SKIL: variants seen among roughly 807,000 people sequenced by gnomAD.
SKIL encodes SKI like proto-oncogene.
Under a neutral mutation model 69.6 loss-of-function variants are expected in SKIL, and 20 were observed. The ratio of observed to expected loss-of-function variants is 0.29; its 90% CI spans 0.20 to 0.42. The LOEUF is 0.42. Among genes scored for constraint, SKIL ranks in the 10% least tolerant of loss-of-function variants. The probability of loss-of-function intolerance (pLI) is 1.00; values close to 1 mark genes in which losing one functional copy is unlikely to be tolerated. For synonymous variants in SKIL, 310 were observed against 279.9 expected, an observed-to-expected ratio of 1.11 and a Z score of -1.08; for missense variants, 745 against 783.1, an observed-to-expected ratio of 0.95 and a Z score of 0.58.
At chr3:170,363,294 C>G (rs1156858217) in intron 2 of SKIL, among the ~76,000 whole-genome samples, 1 of 152,130 alleles carries the variant, frequency 6.6e-6, no homozygotes, top group Non-Finnish European at 1.5e-5. Flanking sequence ...GAGCTTTATT[C>G]TGGTGCCTTT....
intron 3 of SKIL, 113 bp from the exon 4 acceptor site, chr3:170,384,420 C>A: frequency 1.8e-6 from 1 of 567,356 alleles, no homozygotes; most frequent in Non-Finnish European, 3.1e-6. Flanking sequence ...GTAATATTGT[C>A]TGTTTTGGTT....
intron 2 of SKIL, among the ~76,000 whole-genome samples, chr3:170,378,319 T>A (rs1737139089): frequency 6.6e-6 from 1 of 152,174 alleles, no homozygotes; most frequent in South Asian, 2.1e-4. Flanking sequence ...TTGTCAGATC[T>A]CTCCCAGGTT....
rs143326085 is a variant in SKIL, at chr3:170,363,516, G to C, written c.1098+2087G>C. Among the ~76,000 whole-genome samples the C allele has an allele frequency of 2.8e-3, 418 of 150,878 alleles. 2 individuals are homozygous for C. The highest frequency in any genetic ancestry group is 0.01 in the African/African-American group (411 of 41,028). On this transcript the variant is annotated intron_variant, in intron 2 of 6. Coordinates refer to ENST00000259119, the MANE Select transcript of SKIL (RefSeq NM_005414.5). ...TTTTTTTTTTTTGAGACAGAGTTTC[G>C]CTCCTGTTGCCCAGGCTAGAGCTCA...
chr3:170,381,392 A>C (rs767401303), intron 3 of SKIL, 51 bp downstream of exon 3: 6 of 862,002 alleles, frequency 7.0e-6, no homozygotes, highest in Non-Finnish European at 1.0e-5. Context: ...TCATTCAACA[A>C]CTATATGCCA....
intron 4 of SKIL, among the ~76,000 whole-genome samples, chr3:170,389,818 C>T (rs1371529709): frequency 6.6e-6 from 1 of 152,232 alleles, no homozygotes; most frequent in East Asian, 1.9e-4. Context: ...CTTTCAACTT[C>T]GTTATTCTTT....
At chr3:170,369,753 C>T (rs1307050149) in intron 2 of SKIL, among the ~76,000 whole-genome samples, 2 of 152,050 alleles carry the variant, frequency 1.3e-5, no homozygotes, top group Non-Finnish European at 2.9e-5. Context: ...AAGTGATTGT[C>T]GAGCTAGAAT....
At chr3:170,383,167 C>G (rs1305145004) in intron 3 of SKIL, among the ~76,000 whole-genome samples, 1 of 152,128 alleles carries the variant, frequency 6.6e-6, no homozygotes, top group Non-Finnish European at 1.5e-5. Flanking sequence ...TTTTTTTCTA[C>G]TAGTGTAAAT....
At position 170,361,068 on chromosome 3, in the gene SKIL, T is replaced by C. The variant is rs1314720760; in HGVS notation, c.737T>C (p.Leu246Pro). 1 of 1,614,262 alleles carries C rather than the reference T, an allele frequency of 6.2e-7. No individual in the cohort carries two copies. Among genetic ancestry groups the C allele is most frequent in the Admixed American group, 1.7e-5 (1 of 60,028 alleles). Residue 246 changes from leucine to proline, a missense_variant, in exon 2 of 7, where the codon CTT (leucine) becomes CCT (proline). Leu to Pro is a moderately conservative substitution (Grantham distance 98). Coordinates refer to ENST00000259119, the MANE Select transcript of SKIL (RefSeq NM_005414.5). ...PRTFPQNGSVLPAKSSLAQLK... is the reference protein window; with the variant it reads ...PRTFPQNGSVPPAKSSLAQLK... The stretch of plus-strand genomic sequence containing the variant: ...ACTTTTCCTCAAAATGGTAGCGTAC[T>C]TCCTGCTAAAAGCTCATTGGCCCAG...
chr3:170,360,958 C>T lies in SKIL; in HGVS notation c.627C>T (p.Gly209=), dbSNP rs571310067. 7 of 1,614,042 alleles carry T rather than the reference C, an allele frequency of 4.3e-6. No homozygotes were observed. Among genetic ancestry groups the T allele is most frequent in the African/African-American group, 2.7e-5 (2 of 74,920 alleles). ...AGCTTCATATCTTAAAGGTACTGGG[C>T]ATACTTCCATTCAATGCCCCATCCT... ...SDQLHILKVL[G]ILPFNAPSCG... is the part of the protein sequence containing the mutation. The change falls in exon 2 of 7, where the codon GGC becomes GGT. Residue 209 remains glycine (G), a synonymous_variant. Transcript: ENST00000259119.
intron 2 of SKIL, among the ~76,000 whole-genome samples, chr3:170,370,453 C>A (rs1323670472): frequency 2.1e-5 from 1 of 47,846 alleles, no homozygotes; most frequent in African/African-American, 8.9e-5. Context: ...CCCCCCCCCC[C>A]CCGAGCAGGA....
chr3:170,362,003 A>G (rs1169621894), intron 2 of SKIL, among the ~76,000 whole-genome samples: 2 of 152,134 alleles, frequency 1.3e-5, no homozygotes, highest in Non-Finnish European at 2.9e-5. Context: ...AAATGGTACA[A>G]TGGCCACAAT....
At chr3:170,381,212 A>C in intron 2 of SKIL, 32 bp from the exon 3 acceptor site, 1 of 1,188,318 alleles carries the variant, frequency 8.4e-7, no homozygotes, top group Non-Finnish European at 1.3e-6. Flanking sequence ...GTTTTACTTC[A>C]ATAAATGTTT....
intron 2 of SKIL, among the ~76,000 whole-genome samples, chr3:170,370,645 G>A (rs911138128): frequency 4.6e-5 from 7 of 151,994 alleles, no homozygotes; most frequent in Admixed American, 2.0e-4. Flanking sequence ...TTTTATTTGT[G>A]ATGTTGAATT....
Position 170,389,292 on chromosome 3 carries a change from G to A in SKIL, c.1430-931G>A, listed in dbSNP as rs1228378684. On this transcript the variant is annotated intron_variant, in intron 4 of 6. Transcript: ENST00000259119. ...CTTTTGCATGTGGATATAGTTGTCC[G>A]TATGTTGAAAAGATTATTCTTTCCT... 9.3e-5 allele frequency among the ~76,000 whole-genome samples: 14 copies of A among 150,932 alleles called. No homozygotes were observed. The East Asian group carries it at 1.4e-3, about 15-fold the overall frequency.
At chr3:170,376,418 T>C (rs551765619) in intron 2 of SKIL, among the ~76,000 whole-genome samples, 3 of 152,186 alleles carry the variant, frequency 2.0e-5, no homozygotes, top group African/African-American at 4.8e-5. Flanking sequence ...TCTTTGGTCA[T>C]GTAGAGCTGG....
At chr3:170,391,961 T>G (rs1473404880) in intron 6 of SKIL, among the ~76,000 whole-genome samples, 1 of 152,190 alleles carries the variant, frequency 6.6e-6, no homozygotes, top group Non-Finnish European at 1.5e-5. Flanking sequence ...ATCTCACAAT[T>G]TAAGGAACAT....
At chr3:170,380,553 G>T (rs1737284022) in intron 2 of SKIL, among the ~76,000 whole-genome samples, 1 of 151,820 alleles carries the variant, frequency 6.6e-6, no homozygotes, top group South Asian at 2.1e-4. Flanking sequence ...CTGAAGCAGA[G>T]AATCGCTTGA....
chr3:170,373,294 G>A (rs1306290075), intron 2 of SKIL, among the ~76,000 whole-genome samples: 1 of 152,104 alleles, frequency 6.6e-6, no homozygotes, highest in African/African-American at 2.4e-5. Context: ...AGCCTCCTAA[G>A]TAGCTGGGAT....
In SKIL at chr3:170,360,459, T is replaced by C. The variant is rs1198331987; in HGVS notation, c.128T>C (p.Ile43Thr). The C allele has an allele frequency of 6.2e-7, 1 of 1,613,906 alleles. No individual in the cohort carries two copies. Among genetic ancestry groups the C allele is most frequent in the Admixed American group, 1.7e-5 (1 of 59,936 alleles). The change falls in exon 2 of 7, where the codon ATA becomes ACA. Residue 43 changes from isoleucine to threonine, a missense_variant. Transcript: ENST00000259119. ...GACATTCATGCAAATGGAAAAACGA[T>C]AAACAAGGTGCCAACAGTTAAGAAG... ...ITDIHANGKT[I>T]NKVPTVKKEH... is the part of the protein sequence containing the mutation.
Sources: gnomAD v4.1 joint callset for allele counts (sites outside exome capture counted in the v4.1 genomes callset) on GRCh38, gnomAD v4.1.1 for gene constraint, MANE v1.5 for transcripts, NCBI Gene and HGNC (gene_info 2026-07-23, HGNC 2026-07-21) for gene names.